FAM78B: variants seen among roughly 807,000 people sequenced by gnomAD.
FAM78B encodes family with sequence similarity 78 member B, also known as protein FAM78B.
In FAM78B, 10 loss-of-function variants were observed where a neutral mutation model predicts 20.0. That is an observed-to-expected ratio of 0.50 (90% CI 0.31 to 0.85). The LOEUF (loss-of-function observed/expected upper bound fraction) is 0.85, where lower values mean the gene tolerates loss of function less well. FAM78B is among the 40% of genes least tolerant of loss of function. The pLI, the probability that FAM78B is intolerant of heterozygous loss-of-function variation, is 0.05. For synonymous variants in FAM78B, 135 were observed against 132.8 expected, an observed-to-expected ratio of 1.02 and a Z score of -0.12; for missense variants, 283 against 345.0, an observed-to-expected ratio of 0.82 and a Z score of 1.42.
intron 1 of FAM78B, among the ~76,000 whole-genome samples, chr1:166,162,244 G>T (rs1426471461): frequency 6.6e-6 from 1 of 152,174 alleles, no homozygotes; most frequent in Non-Finnish European, 1.5e-5. Context: ...CAACAGAGGT[G>T]AGCGGGTACA....
intron 1 of FAM78B, among the ~76,000 whole-genome samples, chr1:166,073,528 CTTTCTCTCTTT>C (rs1048789523): frequency 7.7e-5 from 11 of 141,940 alleles, no homozygotes; most frequent in African/African-American, 2.7e-4. Context: ...CTTCCTTTCT[CTTTCTCTCTTT>C]TTTTTTTTTT....
chr1:166,142,641 A>T (rs1012285431), intron 1 of FAM78B, among the ~76,000 whole-genome samples: 2 of 152,226 alleles, frequency 1.3e-5, no homozygotes, highest in Non-Finnish European at 2.9e-5. Context: ...TATAATCTTT[A>T]TCTCTTCAAC....
chr1:166,070,737 C>T lies in FAM78B; in HGVS notation c.290G>A (p.Arg97Lys), dbSNP rs1405370403. 1 of 1,582,846 alleles carries T rather than the reference C, an allele frequency of 6.3e-7. No individual in the cohort carries two copies. Among genetic ancestry groups the T allele is most frequent in the East Asian group, 2.2e-5 (1 of 44,466 alleles). The change falls in exon 2 of 2, where the codon AGG (arginine) becomes AAG (lysine). Residue 97 changes from arginine (R) to lysine (K), a missense_variant. Coordinates refer to ENST00000354422, the MANE Select transcript of FAM78B (RefSeq NM_001017961.5). The part of the protein sequence containing the change: ...GMSSWELPDL[R>K]EGRVKAISDS... Reference sequence around the variant, plus strand: ...ACTGATGGCTTTTACTCTCCCTTCCCTCAAGTCAGGCAGTTCCCAGCTTGA... The same window carrying T: ...ACTGATGGCTTTTACTCTCCCTTCCTTCAAGTCAGGCAGTTCCCAGCTTGA...
chr1:166,116,593 T>C (rs1157894291), intron 1 of FAM78B, among the ~76,000 whole-genome samples: 1 of 152,232 alleles, frequency 6.6e-6, no homozygotes, highest in Non-Finnish European at 1.5e-5. Flanking sequence ...ATGATCCACC[T>C]GCCCTCTCTG....
intron 1 of FAM78B, among the ~76,000 whole-genome samples, chr1:166,149,548 G>A (rs186202855): frequency 5.6e-4 from 85 of 152,260 alleles, no homozygotes; most frequent in African/African-American, 2.0e-3. Flanking sequence ...TCCTAACCAC[G>A]TAAACCTGCT....
intron 1 of FAM78B, among the ~76,000 whole-genome samples, chr1:166,135,066 T>C (rs757696776): frequency 6.6e-6 from 1 of 152,152 alleles, no homozygotes; most frequent in South Asian, 2.1e-4. Flanking sequence ...TGCAAACACA[T>C]TAATTAGGTC....
intron 1 of FAM78B, among the ~76,000 whole-genome samples, chr1:166,124,868 C>T (rs1195876226): frequency 6.6e-6 from 1 of 152,220 alleles, no homozygotes; most frequent in Non-Finnish European, 1.5e-5. Context: ...GAGTCAGTCC[C>T]AGGTTGGCTG....
At chr1:166,154,600 T>C (rs1655820941) in intron 1 of FAM78B, 1 of 414,680 alleles carries the variant, frequency 2.4e-6, no homozygotes, top group Non-Finnish European at 5.0e-6. Context: ...GGTGGCCATC[T>C]CTGCCTGAAG....
chr1:166,110,829 A>C (rs939828169), intron 1 of FAM78B, among the ~76,000 whole-genome samples: 7 of 152,190 alleles, frequency 4.6e-5, no homozygotes, highest in African/African-American at 1.2e-4. Context: ...AGGTATAATG[A>C]GATAAAAAGG....
At chr1:166,165,021 C>T (rs970567120) in intron 1 of FAM78B, 2 of 152,090 alleles carry the variant, frequency 1.3e-5, no homozygotes, top group African/African-American at 4.8e-5. Flanking sequence ...TATAAAAGTC[C>T]CGGACGCGAC....
chr1:166,154,827 C>T lies in FAM78B; in HGVS notation c.263+11159G>A, dbSNP rs764815816. 2.1e-4 allele frequency: 102 copies of T among 474,688 alleles called. 1 individual carries two copies. The highest frequency in any genetic ancestry group is 1.4e-3 in the South Asian group (92 of 64,734). The allele number at this position is 474,688 out of a possible 1,614,324, so 29.4% of individuals were successfully genotyped here. A position where few individuals can be genotyped will look rare whatever the true frequency, so the allele number is the denominator to read the frequency against. On this transcript the variant is annotated intron_variant, in intron 1 of 1. Coordinates refer to ENST00000354422, the MANE Select transcript of FAM78B (RefSeq NM_001017961.5). Reference sequence around the variant, plus strand: ...GGCACTGCCCTTTTCTGGGCTTCAGCGTCCCCATCTGTAAAAGAAGCAAAT... The same window carrying T: ...GGCACTGCCCTTTTCTGGGCTTCAGTGTCCCCATCTGTAAAAGAAGCAAAT...
chr1:166,137,428 G>C (rs751920738), intron 1 of FAM78B, among the ~76,000 whole-genome samples: 1 of 151,838 alleles, frequency 6.6e-6, no homozygotes, highest in Non-Finnish European at 1.5e-5. Context: ...TCAGAAAACA[G>C]ATGTATTCTA....
At chr1:166,112,495 T>G (rs1644806801) in intron 1 of FAM78B, among the ~76,000 whole-genome samples, 1 of 152,130 alleles carries the variant, frequency 6.6e-6, no homozygotes, top group African/African-American at 2.4e-5. Flanking sequence ...GACCAAGTGC[T>G]CTCATGGGTC....
At chr1:166,065,935 A>T (rs1279318341), downstream of FAM78B, among the ~76,000 whole-genome samples, 2 of 152,050 alleles carry the variant, frequency 1.3e-5, no homozygotes, top group African/African-American at 4.8e-5. Flanking sequence ...AGGTCTCTGT[A>T]TGTGTGTGTG....
downstream of FAM78B, among the ~76,000 whole-genome samples, chr1:166,056,290 A>G (rs536698599): frequency 7.1e-6 from 1 of 141,688 alleles, no homozygotes; most frequent in South Asian, 2.3e-4. Context: ...GTGTGTAGAG[A>G]GAGAGAGAGA....
chr1:166,090,525 T>G (rs1439035093), intron 1 of FAM78B, among the ~76,000 whole-genome samples: 1 of 152,148 alleles, frequency 6.6e-6, no homozygotes, highest in Non-Finnish European at 1.5e-5. Context: ...ATTAACTCGG[T>G]CCTTTCATGG....
intron 1 of FAM78B, among the ~76,000 whole-genome samples, chr1:166,116,585 G>A (rs1654267198): frequency 6.6e-6 from 1 of 152,196 alleles, no homozygotes; most frequent in Admixed American, 6.5e-5. Context: ...ATTGCAGCAT[G>A]ATCCACCTGC....
chr1:166,060,222 A>G (rs1229083294), exon 3 of FAM78B: 2 of 192,110 alleles, frequency 1.0e-5, no homozygotes, highest in Non-Finnish European at 2.2e-5. Flanking sequence ...CCCACCCAAA[A>G]GCATAGGGAG....
At chr1:166,113,354 A>G (rs1053157032) in intron 1 of FAM78B, among the ~76,000 whole-genome samples, 2 of 152,196 alleles carry the variant, frequency 1.3e-5, no homozygotes, top group Non-Finnish European at 2.9e-5. Flanking sequence ...AGATTACTTC[A>G]CTGCTCCAGC....
Sources: gnomAD v4.1 joint callset for allele counts (sites outside exome capture counted in the v4.1 genomes callset) on GRCh38, gnomAD v4.1.1 for gene constraint, MANE v1.5 for transcripts, NCBI Gene and HGNC (gene_info 2026-07-23, HGNC 2026-07-21) for gene names.